HIVEP2: variants seen among roughly 807,000 people sequenced by gnomAD.
HIVEP2 encodes the protein HIVEP zinc finger 2, also known as transcription factor HIVEP2.
A neutral mutation model predicts 180.7 loss-of-function variants in HIVEP2; 14 were observed. That is an observed-to-expected ratio of 0.08 (90% confidence interval 0.05 to 0.12). The LOEUF (loss-of-function observed/expected upper bound fraction) is 0.12. Ranked by LOEUF, HIVEP2 falls within the 10% of genes least tolerant of loss-of-function variation. HIVEP2 has a pLI of 1.00. For missense variants in HIVEP2, 2,579 were observed against 3,008.5 expected (o/e 0.86, Z 3.34); for synonymous variants, 1,184 against 1,136.4 (o/e 1.04, Z -0.84).
At chr6:142,918,050 G>A (rs980931983) in intron 1 of HIVEP2, among the ~76,000 whole-genome samples, 5 of 152,162 alleles carry the variant, frequency 3.3e-5, no homozygotes, top group African/African-American at 1.2e-4. Context: ...TGGGATTATA[G>A]ACGTGAGCCA....
chr6:142,860,020 G>A (rs916560097), intron 1 of HIVEP2, among the ~76,000 whole-genome samples: 2 of 152,024 alleles, frequency 1.3e-5, no homozygotes, highest in Admixed American at 6.5e-5. Flanking sequence ...TCACAGTAGG[G>A]AAAGTGTTAA....
In HIVEP2 at chr6:142,772,614, T is replaced by G; in HGVS notation, c.2125A>C (p.Thr709Pro). Reference sequence around the variant, plus strand: ...ACAATGCTGCTGCAGATCATGGGCGTGTCCTCTTCATCCCCTACGCTCTTC... The same window carrying G: ...ACAATGCTGCTGCAGATCATGGGCGGGTCCTCTTCATCCCCTACGCTCTTC... ...KEKSVGDEED[T>P]PMICSSIVST... Residue 709 changes from threonine to proline, a missense_variant, in exon 5 of 10, where the codon ACG (threonine) becomes CCG (proline). By Grantham distance (38) the Thr-to-Pro change is conservative. Transcript: ENST00000367603. The surrounding 1 kb of genome is among the most constrained non-coding windows in gnomAD (Gnocchi z 4.9). 6.2e-7 allele frequency: 1 copy of G among 1,614,250 alleles called. No individual in the cohort carries two copies. The highest frequency in any genetic ancestry group is 8.5e-7 in the Non-Finnish European group (1 of 1,180,046).
At chr6:142,799,691 T>C (rs1776360527) in intron 2 of HIVEP2, among the ~76,000 whole-genome samples, 1 of 152,174 alleles carries the variant, frequency 6.6e-6, no homozygotes, top group Non-Finnish European at 1.5e-5. Context: ...AGTTGTCAAC[T>C]AACTTCTATA....
At chr6:142,814,988 C>T (rs1776796075) in intron 2 of HIVEP2, among the ~76,000 whole-genome samples, 1 of 152,012 alleles carries the variant, frequency 6.6e-6, no homozygotes. Context: ...TAAGATCAAG[C>T]CATGGCCTTC....
Position 142,772,939 on chromosome 6 carries a change from C to T in HIVEP2, c.1800G>A (p.Ser600=), listed in dbSNP as rs375815434. 7.4e-5 allele frequency: 119 copies of T among 1,614,026 alleles called. No individual in the cohort carries two copies. Among genetic ancestry groups the T allele is most frequent in the South Asian group, 1.6e-4 (15 of 91,082 alleles). Residue 600 remains serine (S), a synonymous_variant, in exon 5 of 10, where the codon TCG becomes TCA. Coordinates refer to ENST00000367603, the MANE Select transcript of HIVEP2 (RefSeq NM_006734.4). This position sits in a 1 kb window ranked among gnomAD's most constrained non-coding sequence, Gnocchi z 4.9. ...LRRQAAFELP[S]VQEGHVEVEH... Reference sequence around the variant, plus strand: ...CGACTTCCACGTGGCCCTCCTGTACCGAAGGCAGCTCAAATGCCGCTTGTC... The same window carrying T: ...CGACTTCCACGTGGCCCTCCTGTACTGAAGGCAGCTCAAATGCCGCTTGTC...
At chr6:142,789,488 T>C (rs1049834406) in intron 2 of HIVEP2, among the ~76,000 whole-genome samples, 1 of 152,252 alleles carries the variant, frequency 6.6e-6, no homozygotes, top group East Asian at 1.9e-4. Context: ...TATTTAAATG[T>C]TTAGCTTATT....
At chr6:142,843,160 G>A (rs545230736) in intron 1 of HIVEP2, among the ~76,000 whole-genome samples, 6 of 152,240 alleles carry the variant, frequency 3.9e-5, no homozygotes, top group South Asian at 2.1e-4. Context: ...TTCTGATTCC[G>A]AAAGTCTACG....
chr6:142,855,611 C>T (rs1775799647), intron 1 of HIVEP2, among the ~76,000 whole-genome samples: 1 of 152,124 alleles, frequency 6.6e-6, no homozygotes, highest in African/African-American at 2.4e-5. Context: ...TCTGGGGAAC[C>T]TCTCAACTAT....
At chr6:142,849,199 T>C (rs902020869) in intron 1 of HIVEP2, among the ~76,000 whole-genome samples, 3 of 152,184 alleles carry the variant, frequency 2.0e-5, no homozygotes, top group African/African-American at 7.2e-5. Context: ...TGAAAAGTGC[T>C]GTAGTACAAA....
chr6:142,890,159 A>G (rs1448625084), intron 1 of HIVEP2, among the ~76,000 whole-genome samples: 1 of 152,186 alleles, frequency 6.6e-6, no homozygotes, highest in Non-Finnish European at 1.5e-5. Context: ...CTAAATGCCT[A>G]TATTTTTCAC....
chr6:142,912,598 T>C (rs539151670), intron 1 of HIVEP2, among the ~76,000 whole-genome samples: 5 of 152,324 alleles, frequency 3.3e-5, no homozygotes, highest in Admixed American at 2.0e-4. Context: ...AGGTGAGTGG[T>C]GGGCAAGCGA....
chr6:142,832,875 T>G (rs115754956), intron 2 of HIVEP2, among the ~76,000 whole-genome samples: 1 of 152,190 alleles, frequency 6.6e-6, no homozygotes, highest in African/African-American at 2.4e-5. Flanking sequence ...GTCTGGAAAA[T>G]TTACAGTCCA....
chr6:142,830,833 G>A (rs913294293), intron 2 of HIVEP2, among the ~76,000 whole-genome samples: 1 of 152,014 alleles, frequency 6.6e-6, no homozygotes, highest in African/African-American at 2.4e-5. Context: ...GCTTCCTCCT[G>A]CTACCCACCC....
At chr6:142,882,159 T>C (rs1776587494) in intron 1 of HIVEP2, among the ~76,000 whole-genome samples, 1 of 152,240 alleles carries the variant, frequency 6.6e-6, no homozygotes, top group African/African-American at 2.4e-5. Context: ...ATGTGTAATT[T>C]TGAGTATAAA....
intron 1 of HIVEP2, among the ~76,000 whole-genome samples, chr6:142,852,491 A>C (rs1775709007): frequency 6.6e-6 from 1 of 152,174 alleles, no homozygotes; most frequent in Non-Finnish European, 1.5e-5. Context: ...CTGAATAATC[A>C]ATTACATAAC....
chr6:142,885,825 G>A (rs192339129), intron 1 of HIVEP2, among the ~76,000 whole-genome samples: 2 of 152,126 alleles, frequency 1.3e-5, no homozygotes, highest in Non-Finnish European at 2.9e-5. Flanking sequence ...GCCGTAAACA[G>A]TACCACCAAC....
chr6:142,926,030 T>C (rs973048194), intron 1 of HIVEP2, among the ~76,000 whole-genome samples: 4 of 152,176 alleles, frequency 2.6e-5, no homozygotes, highest in Admixed American at 2.6e-4. Flanking sequence ...TACCTGCAAG[T>C]ATGGAAGACA....
chr6:142,773,271 T>A lies in HIVEP2; in HGVS notation c.1468A>T (p.Thr490Ser). The change falls in exon 5 of 10, where the codon ACG becomes TCG. Residue 490 changes from threonine to serine, a missense_variant. Thr to Ser is a moderately conservative substitution (Grantham distance 58, BLOSUM62 1). Coordinates refer to ENST00000367603, the MANE Select transcript of HIVEP2 (RefSeq NM_006734.4). ...PSKGDVDPSQ[T>S]SMLKSTKFNS... is the part of the protein sequence containing the mutation. ...AACTTAGTGGATTTCAGCATGCTCG[T>A]TTGACTGGGGTCGACATCTCCCTTG... 1 of 1,614,182 alleles carries A rather than the reference T, an allele frequency of 6.2e-7. No individual in the cohort carries two copies.
At chr6:142,855,926 A>G (rs968234124) in intron 1 of HIVEP2, among the ~76,000 whole-genome samples, 1 of 152,170 alleles carries the variant, frequency 6.6e-6, no homozygotes, top group African/African-American at 2.4e-5. Flanking sequence ...CCAGTTCAAC[A>G]TTATCACAAG....
Sources: gnomAD v4.1 joint callset for allele counts (sites outside exome capture counted in the v4.1 genomes callset) on GRCh38, gnomAD v4.1.1 for gene constraint, Gnocchi (gnomAD v3.1) non-coding constraint, MANE v1.5 for transcripts, NCBI Gene and HGNC (gene_info 2026-07-23, HGNC 2026-07-21) for gene names.